Variants in ENKUR observed in about 807,000 individuals in gnomAD.
ENKUR encodes enkurin, TRPC channel interacting protein.
ENKUR carries 19 observed loss-of-function variants against 27.6 expected under a neutral mutation model. The observed-to-expected ratio is 0.69, with a 90% CI of 0.48 to 1.01. ENKUR has a LOEUF of 1.01. ENKUR is among the 50% of genes least tolerant of loss of function. ENKUR has a pLI of 0.00. For synonymous variants in ENKUR, 117 were observed against 96.9 expected (o/e 1.21, Z -1.22); for missense variants, 312 against 310.5 (o/e 1.00, Z -0.04).
chr10:24,999,699 C>A (rs1850145820), intron 1 of ENKUR, among the ~76,000 whole-genome samples, 153 bp from the exon 2 acceptor site: 1 of 152,126 alleles, frequency 6.6e-6, no homozygotes. Context: ...GAGCCCTGTC[C>A]ATCAGACTTA....
chr10:24,992,165 T>C (rs1051761565), intron 3 of ENKUR, among the ~76,000 whole-genome samples: 6 of 152,218 alleles, frequency 3.9e-5, no homozygotes, highest in Non-Finnish European at 7.3e-5. Flanking sequence ...AGAATGTACT[T>C]GGTGCTAGGA....
chr10:25,003,996 T>C (rs1850254209), intron 1 of ENKUR, among the ~76,000 whole-genome samples: 1 of 152,228 alleles, frequency 6.6e-6, no homozygotes, highest in African/African-American at 2.4e-5. Flanking sequence ...TGCAGCACTA[T>C]TGTGTGGGAC....
At chr10:25,022,434 C>T (rs1319349127) in intron 2 of ENKUR, among the ~76,000 whole-genome samples, 1 of 152,158 alleles carries the variant, frequency 6.6e-6, no homozygotes, top group Non-Finnish European at 1.5e-5. Context: ...GACCTCATTG[C>T]TGATTATTAA....
chr10:25,008,004 AATAAAT>A (rs1188041501), intron 1 of ENKUR, among the ~76,000 whole-genome samples: 13 of 148,474 alleles, frequency 8.8e-5, no homozygotes, highest in African/African-American at 2.9e-4. Flanking sequence ...ATATAATATG[AATAAAT>A]ATAAATATAT....
At chr10:25,019,980 A>C (rs1012894224), upstream of ENKUR, among the ~76,000 whole-genome samples, 2 of 152,258 alleles carry the variant, frequency 1.3e-5, no homozygotes, top group African/African-American at 4.8e-5. Flanking sequence ...ATTGCAGCAG[A>C]CGTTCTCAAA....
chr10:25,012,895 T>G (rs1198751960), intron 1 of ENKUR, among the ~76,000 whole-genome samples: 1 of 152,182 alleles, frequency 6.6e-6, no homozygotes, highest in Admixed American at 6.5e-5. Flanking sequence ...TGATATGGTT[T>G]GGCTGCATCC....
upstream of ENKUR, among the ~76,000 whole-genome samples, chr10:25,020,151 C>T (rs1850687800): frequency 6.6e-6 from 1 of 151,934 alleles, no homozygotes; most frequent in African/African-American, 2.4e-5. Context: ...TAGCACTTAA[C>T]TGCCTTCTGC....
At chr10:25,051,815 C>T (rs1420937307) in intron 2 of ENKUR, among the ~76,000 whole-genome samples, 1 of 152,184 alleles carries the variant, frequency 6.6e-6, no homozygotes, top group African/African-American at 2.4e-5. Context: ...CAAGGCAGAA[C>T]GAGGAGTACA....
chr10:25,013,400 CATAATT>C (rs1212749914), intron 1 of ENKUR, among the ~76,000 whole-genome samples: 1 of 152,220 alleles, frequency 6.6e-6, no homozygotes, highest in Non-Finnish European at 1.5e-5. Flanking sequence ...GAATCAGCTA[CATAATT>C]AGAGGATGGG....
At position 25,044,982 on chromosome 10, in the gene ENKUR, A is replaced by G. The variant is rs184348989; in HGVS notation, c.37+16130T>C. 1.7e-3 allele frequency among the ~76,000 whole-genome samples: 262 copies of G among 152,286 alleles called. 2 individuals are homozygous for G. Among genetic ancestry groups the G allele is most frequent in the Non-Finnish European group, 3.0e-3 (204 of 68,030 alleles). On this transcript the variant is annotated intron_variant, in intron 2 of 5. Coordinates refer to the ENKUR transcript ENST00000615958. ...CCCTCTCTGATGCCTCAGCTCAGCA[A>G]AGTAGCTGCTTTTCACTTACACTTT...
chr10:25,020,282 A>ATCTATATC (rs1564347806), upstream of ENKUR, among the ~76,000 whole-genome samples: 12 of 151,874 alleles, frequency 7.9e-5, no homozygotes, highest in East Asian at 1.7e-3. Flanking sequence ...ATCTATATAT[A>ATCTATATC]TCTACCCCAA....
intron 3 of ENKUR, among the ~76,000 whole-genome samples, chr10:24,990,866 T>G: frequency 6.6e-6 from 1 of 151,300 alleles, no homozygotes; most frequent in East Asian, 1.9e-4. Context: ...GGCTGAGGGG[T>G]GGGGGGGTGG....
At position 24,982,479 on chromosome 10, in the gene ENKUR, C is replaced by G. The variant is rs1312656396; in HGVS notation, c.*1891G>C. 6.6e-6 allele frequency: 1 copy of G among 152,104 alleles called. No individual in the cohort carries two copies. Among genetic ancestry groups the G allele is most frequent in the Non-Finnish European group, 1.5e-5 (1 of 68,028 alleles). 9.4% of individuals were successfully genotyped at this position (152,104 alleles called of 1,614,324 possible). A position where few individuals can be genotyped will look rare whatever the true frequency, so the allele number is the denominator to read the frequency against. Reference sequence around the variant, plus strand: ...TCTTCCTTTGAACAGGAAGAGAAACCAAGTCAAACTAGCTGCATAATGAAG... The same window carrying G: ...TCTTCCTTTGAACAGGAAGAGAAACGAAGTCAAACTAGCTGCATAATGAAG... On this transcript the variant is annotated 3_prime_UTR_variant, in exon 6 of 6. Coordinates refer to ENST00000331161, the MANE Select transcript of ENKUR (RefSeq NM_145010.4).
chr10:25,019,070 G>A (rs564685863), upstream of ENKUR, among the ~76,000 whole-genome samples: 2 of 152,332 alleles, frequency 1.3e-5, no homozygotes, highest in South Asian at 4.1e-4. Context: ...GAAGTCAGAA[G>A]CAGTAGAGCT....
chr10:25,015,947 T>A lies in ENKUR; in HGVS notation c.-11A>T. On this transcript the variant is annotated 5_prime_UTR_variant, in exon 1 of 6. Transcript: ENST00000331161. ...GCACGTTGGATCCATGGCCACCAAA[T>A]GACTCCTTAAAAGCTACTCTCCACA... 1 of 1,604,360 alleles carries A rather than the reference T, an allele frequency of 6.2e-7. No individual in the cohort carries two copies. Among genetic ancestry groups the A allele is most frequent in the African/African-American group, 1.3e-5 (1 of 74,764 alleles).
At chr10:25,055,533 GAAAC>G (rs1320351705) in intron 2 of ENKUR, among the ~76,000 whole-genome samples, 1 of 68,938 alleles carries the variant, frequency 1.5e-5, no homozygotes, top group Admixed American at 2.0e-4. Flanking sequence ...ATTCAGGGAT[GAAAC>G]AAATTGGCAA....
rs757629109 is a variant in ENKUR, at chr10:24,984,848, TA to T, written c.651del (p.Phe217LeufsTer2). On this transcript the variant is annotated frameshift_variant, in exon 5 of 6. Coordinates refer to ENST00000331161, the MANE Select transcript of ENKUR (RefSeq NM_145010.4). LOFTEE classifies it high-confidence loss of function. Reference protein sequence around the residue: ...VHKEFQSLSVFIDSIPKKIRK... With the variant: ...VHKEFQSLSVXIDSIPKKIRK... ...CGGATCTTCTTTGGTATAGAATCTA[TA>T]AAGACCGAGAGGGACTGGAATTCTT... The T allele has an allele frequency of 1.9e-6, 3 of 1,613,812 alleles. No homozygotes were observed. The South Asian group carries it at 3.3e-5, about 18-fold the overall frequency.
intron 2 of ENKUR, among the ~76,000 whole-genome samples, chr10:25,058,937 A>G (rs1035273124): frequency 6.6e-6 from 1 of 150,398 alleles, no homozygotes; most frequent in Non-Finnish European, 1.5e-5. Context: ...TCTTAAAAAA[A>G]AAAAAAAAGT....
At chr10:25,024,068 G>T (rs781366642) in intron 2 of ENKUR, 1 of 1,614,198 alleles carries the variant, frequency 6.2e-7, no homozygotes, top group South Asian at 1.1e-5. Context: ...GAGTGGAAAA[G>T]CCTAGTAGGA....
Sources: allele counts gnomAD v4.1 joint callset (sites outside exome capture counted in the v4.1 genomes callset), GRCh38; gene constraint gnomAD v4.1.1; transcripts MANE v1.5; gene names NCBI Gene and HGNC (gene_info 2026-07-23, HGNC 2026-07-21).